SRGAP3: variants seen among roughly 807,000 people sequenced by gnomAD.
SRGAP3 encodes SLIT-ROBO Rho GTPase activating protein 3.
In SRGAP3, 39 loss-of-function variants were observed where a neutral mutation model predicts 121.1. That is an observed-to-expected ratio of 0.32 (90% CI 0.25 to 0.42). SRGAP3 has a LOEUF of 0.42. Among genes scored for constraint, SRGAP3 ranks in the 10% least tolerant of loss-of-function variants. The probability of loss-of-function intolerance (pLI) is 1.00; values close to 1 mark genes in which losing one functional copy is unlikely to be tolerated. For synonymous variants in SRGAP3, 601 were observed against 570.0 expected (o/e 1.05, Z -0.77); for missense variants, 1,213 against 1,470.6 (o/e 0.82, Z 2.86).
intron 3 of SRGAP3, among the ~76,000 whole-genome samples, chr3:9,315,885 G>A (rs1463729386): frequency 6.6e-6 from 1 of 152,072 alleles, no homozygotes; most frequent in Non-Finnish European, 1.5e-5. Context: ...GGAAAACAGA[G>A]ATGAATTACT....
In SRGAP3 at chr3:9,203,687, A is replaced by G. The variant is rs1952151377; in HGVS notation, c.67+45198T>C. Among the ~76,000 whole-genome samples the G allele has an allele frequency of 2.0e-5, 3 of 152,232 alleles. No homozygotes were observed. In the South Asian group the frequency reaches 6.2e-4, roughly 32 times the overall value. ...TAAGGGGATGGAATGTGTTTATTCA[A>G]TATTGTATGCCCCTGTGCCCACCTC... On this transcript the variant is annotated intron_variant, in intron 1 of 21. Coordinates refer to ENST00000383836, the MANE Select transcript of SRGAP3 (RefSeq NM_014850.4).
chr3:9,304,677 C>G (rs570144398), intron 3 of SRGAP3, among the ~76,000 whole-genome samples: 86 of 152,272 alleles, frequency 5.6e-4, no homozygotes, highest in African/African-American at 1.9e-3. Context: ...GGCTTCTCCC[C>G]CTCCGCACTA....
intron 1 of SRGAP3, among the ~76,000 whole-genome samples, chr3:9,131,025 T>A (rs2287493): frequency 5.3e-5 from 8 of 152,262 alleles, no homozygotes; most frequent in South Asian, 4.1e-4. Context: ...TGGCAGAGCA[T>A]CCTCTGCAGC....
chr3:9,073,747 G>A (rs372840961), intron 4 of SRGAP3, among the ~76,000 whole-genome samples: 33 of 152,354 alleles, frequency 2.2e-4, no homozygotes, highest in African/African-American at 7.7e-4. Flanking sequence ...TTATTCTTGA[G>A]ATGAAACAAT....
chr3:9,036,520 G>C (rs1944750815), intron 11 of SRGAP3: 1 of 152,172 alleles, frequency 6.6e-6, no homozygotes, highest in Non-Finnish European at 1.5e-5. Context: ...CTAGGTCAAG[G>C]AGGGTGTGGA....
chr3:9,331,946 T>C (rs1184008403), intron 1 of SRGAP3, among the ~76,000 whole-genome samples: 1 of 152,210 alleles, frequency 6.6e-6, no homozygotes, highest in Non-Finnish European at 1.5e-5. Context: ...TATACTGTTG[T>C]TAATTAAGCC....
intron 10 of SRGAP3, among the ~76,000 whole-genome samples, chr3:9,041,230 G>A (rs1236876159): frequency 6.6e-6 from 1 of 152,216 alleles, no homozygotes; most frequent in Non-Finnish European, 1.5e-5. Flanking sequence ...TTCCAATCCA[G>A]GTTGCCTAAC....
chr3:9,160,012 T>C (rs17194525), intron 1 of SRGAP3, among the ~76,000 whole-genome samples: 36,578 of 152,098 alleles, frequency 0.24, 4,750 homozygotes, highest in Admixed American at 0.32. Flanking sequence ...TTCAAGGCCC[T>C]GTCAGATCAG....
intron 20 of SRGAP3, chr3:8,992,483 A>T: frequency 2.8e-6 from 1 of 353,730 alleles, no homozygotes; most frequent in Non-Finnish European, 5.3e-6. Context: ...TCAACACATG[A>T]GTAGGTGTGA....
In SRGAP3 at chr3:9,130,885, G is replaced by A. The variant is rs116577808; in HGVS notation, c.68-5968C>T. ...AAATCACATCGTGATGACAGCAGAC[G>A]ATTTGGAAAGAGCAGAGCAACCTCC... On this transcript the variant is annotated intron_variant, in intron 1 of 21. Coordinates refer to ENST00000383836, the MANE Select transcript of SRGAP3 (RefSeq NM_014850.4). 2.5e-3 allele frequency among the ~76,000 whole-genome samples: 376 copies of A among 152,312 alleles called. 4 individuals are homozygous for A. The highest frequency in any genetic ancestry group is 8.6e-3 in the African/African-American group (358 of 41,556).
At chr3:9,111,273 G>A (rs1948612271) in intron 2 of SRGAP3, among the ~76,000 whole-genome samples, 1 of 152,198 alleles carries the variant, frequency 6.6e-6, no homozygotes, top group Non-Finnish European at 1.5e-5. Flanking sequence ...CTGTAATAAG[G>A]GGGCTGGCCT....
At chr3:9,189,339 G>GC (rs1285508640) in intron 1 of SRGAP3, among the ~76,000 whole-genome samples, 2 of 152,222 alleles carry the variant, frequency 1.3e-5, no homozygotes, top group Non-Finnish European at 2.9e-5. Flanking sequence ...GGTAAGGCAA[G>GC]CCCCTGCTTA....
At chr3:9,063,625 C>G (rs572003367) in intron 5 of SRGAP3, among the ~76,000 whole-genome samples, 35 of 152,286 alleles carry the variant, frequency 2.3e-4, no homozygotes, top group African/African-American at 7.7e-4. Flanking sequence ...AGGCATGAGC[C>G]ACTGTGGCCA....
rs572037705 is a variant in SRGAP3, at chr3:9,233,855, C to T, written c.67+15030G>A. ...TCCCCACAGAATTATAAAGTCTGTG[C>T]GGGCAGGGAACATAGTAGGAGCTCA... On this transcript the variant is annotated intron_variant, in intron 1 of 21. Transcript: ENST00000383836. Among the ~76,000 whole-genome samples the T allele has an allele frequency of 1.5e-4, 23 of 152,272 alleles. 1 individual carries two copies. The highest frequency in any genetic ancestry group is 6.8e-3 in the Middle Eastern group (2 of 294).
At chr3:9,121,008 A>G (rs1043775715) in intron 2 of SRGAP3, among the ~76,000 whole-genome samples, 2 of 152,150 alleles carry the variant, frequency 1.3e-5, no homozygotes, top group Admixed American at 6.5e-5. Context: ...AAGGAGGAGC[A>G]ATAGACTCGG....
chr3:9,155,600 G>A (rs781301694), intron 1 of SRGAP3, among the ~76,000 whole-genome samples: 8 of 151,996 alleles, frequency 5.3e-5, no homozygotes, highest in Non-Finnish European at 1.2e-4. Context: ...GCCCCGGGTT[G>A]GGTCTCTCAT....
intron 2 of SRGAP3, among the ~76,000 whole-genome samples, chr3:9,119,159 A>G (rs1354503133): frequency 6.6e-6 from 1 of 151,790 alleles, no homozygotes; most frequent in Admixed American, 6.6e-5. Context: ...CTCTTACCTC[A>G]CCCTCTTCCC....
chr3:9,328,062 T>C (rs1000090915), intron 2 of SRGAP3, among the ~76,000 whole-genome samples: 1 of 152,198 alleles, frequency 6.6e-6, no homozygotes, highest in African/African-American at 2.4e-5. Flanking sequence ...TTAAAGCATT[T>C]AAAAAACCTA....
chr3:9,230,872 G>A (rs201000416), intron 1 of SRGAP3, among the ~76,000 whole-genome samples: 1 of 115,426 alleles, frequency 8.7e-6, no homozygotes, highest in East Asian at 3.0e-4. Flanking sequence ...AAAAAAAAAA[G>A]AAAAGAAAAG....
Sources: gnomAD v4.1 joint callset for allele counts (sites outside exome capture counted in the v4.1 genomes callset) on GRCh38, gnomAD v4.1.1 for gene constraint, MANE v1.5 for transcripts, NCBI Gene and HGNC (gene_info 2026-07-23, HGNC 2026-07-21) for gene names.